The following MYLK variants were observed in gnomAD, a reference collection of about 807,000 sequenced individuals.
The protein encoded by MYLK is myosin light chain kinase, smooth muscle.
Under a neutral mutation model 203.4 loss-of-function variants are expected in MYLK, and 106 were observed. The observed-to-expected ratio is 0.52, with a 90% CI of 0.45 to 0.61. MYLK has a LOEUF of 0.61. MYLK is among the 20% of genes least tolerant of loss of function. The pLI is 0.00. For missense variants in MYLK, 2,072 were observed against 2,442.3 expected (o/e 0.85, Z 3.20); for synonymous variants, 867 against 959.5 (o/e 0.90, Z 1.78).
At chr3:123,764,585 C>T (rs80152742) in intron 4 of MYLK, among the ~76,000 whole-genome samples, 111 of 152,264 alleles carry the variant, frequency 7.3e-4, no homozygotes, top group East Asian at 3.7e-3. Flanking sequence ...GACTTTCACT[C>T]GGCCCCTCTC....
rs2064183380 is a variant in MYLK, at chr3:123,778,966, T to C, written c.165+14711A>G. 2.0e-5 allele frequency among the ~76,000 whole-genome samples: 3 copies of C among 152,146 alleles called. No individual in the cohort carries two copies. In the South Asian group the frequency reaches 6.2e-4, roughly 31 times the overall value. The stretch of plus-strand genomic sequence containing the variant: ...CCAGAATTTCACTTCAAACCCCAAA[T>C]AGCTATGTCCTGGCAGCTAAAAATG... On this transcript the variant is annotated intron_variant, in intron 4 of 33. Transcript: ENST00000360304.
intron 4 of MYLK, among the ~76,000 whole-genome samples, chr3:123,786,717 T>C (rs1173514664): frequency 6.6e-6 from 1 of 152,200 alleles, no homozygotes; most frequent in East Asian, 1.9e-4. Flanking sequence ...CTACAATGTG[T>C]TTATTTCACA....
At chr3:123,865,134 C>T (rs2032240018) in intron 2 of MYLK, among the ~76,000 whole-genome samples, 1 of 152,182 alleles carries the variant, frequency 6.6e-6, no homozygotes, top group Admixed American at 6.5e-5. Flanking sequence ...TTCACAGCTC[C>T]TATTACATGT....
chr3:123,634,956 G>A (rs547812282), intron 29 of MYLK, among the ~76,000 whole-genome samples: 22 of 152,210 alleles, frequency 1.4e-4, no homozygotes, highest in Non-Finnish European at 2.2e-4. Flanking sequence ...TTCAGGATCC[G>A]GGGTAAGAGT....
chr3:123,756,091 C>A (rs2063350349), intron 4 of MYLK, among the ~76,000 whole-genome samples: 2 of 152,214 alleles, frequency 1.3e-5, no homozygotes, highest in African/African-American at 4.8e-5. Context: ...TTGCCATGAT[C>A]TCACATGGCA....
intron 4 of MYLK, among the ~76,000 whole-genome samples, chr3:123,777,559 G>A (rs1458379781): frequency 1.3e-5 from 2 of 152,206 alleles, no homozygotes; most frequent in African/African-American, 4.8e-5. Context: ...GAAACTTTGG[G>A]GAGGTTCAGG....
chr3:123,841,358 T>A (rs931273161), intron 2 of MYLK, among the ~76,000 whole-genome samples: 3 of 152,176 alleles, frequency 2.0e-5, no homozygotes, highest in Non-Finnish European at 4.4e-5. Flanking sequence ...ATGAGATTAA[T>A]CTATATTTTA....
At chr3:123,786,303 CAA>C (rs906697308) in intron 4 of MYLK, among the ~76,000 whole-genome samples, 1 of 120,714 alleles carries the variant, frequency 8.3e-6, no homozygotes. Context: ...GACTCCATCT[CAA>C]AAAAAAAAAA....
chr3:123,781,907 C>T (rs1210551414), intron 4 of MYLK, among the ~76,000 whole-genome samples: 2 of 152,116 alleles, frequency 1.3e-5, no homozygotes, highest in East Asian at 1.9e-4. Context: ...ATTAAGGAGA[C>T]AAGAGATTAA....
rs2062581349 is a variant in MYLK at position 123,733,893 on chromosome 3, C to G, written c.1103G>C (p.Gly368Ala). 19 of 1,614,024 alleles carry G rather than the reference C, an allele frequency of 1.2e-5. No homozygotes were observed. Among genetic ancestry groups the G allele is most frequent in the Non-Finnish European group, 1.4e-5 (17 of 1,180,054 alleles). ...AGGAGCTGGCCTCTTCCTCTCTTCTCCAGAAGGTGATAGGACCCCCAGGCC... is the reference window on the plus strand; with the variant it reads ...AGGAGCTGGCCTCTTCCTCTCTTCTGCAGAAGGTGATAGGACCCCCAGGCC... ...APGLGVLSPS[G>A]EERKRPAPPR... The change falls in exon 10 of 34, where the codon GGA becomes GCA. Residue 368 changes from glycine to alanine, a missense_variant. Physicochemically the swap from Gly to Ala is moderately conservative, Grantham distance 60. Around this residue, in one of 3 missense-constraint regions of MYLK, gnomAD observed 683 missense variants for 643.8 expected, o/e 1.06. Transcript: ENST00000360304.
intron 3 of MYLK, among the ~76,000 whole-genome samples, chr3:123,809,292 A>G (rs1480645945): frequency 2.6e-5 from 4 of 152,198 alleles, no homozygotes; most frequent in African/African-American, 9.7e-5. Flanking sequence ...TGGGAGGCCA[A>G]GGTGGGCAGA....
At position 123,620,314 on chromosome 3, in the gene MYLK, G is replaced by A. The variant is rs1478020770; in HGVS notation, c.5261C>T (p.Ala1754Val). The A allele has an allele frequency of 2.5e-6, 4 of 1,614,004 alleles. No individual in the cohort carries two copies. In the Middle Eastern group the frequency reaches 4.9e-4, roughly 199 times the overall value. ...KWQKTGNAVR[A>V]IGRLSSMAMI... ...TGCCATAGAGGACAGTCTTCCAATG[G>A]CTCTCACAGCATTGCCCGTTTTCTG... is the stretch of plus-strand genomic sequence containing the variant. The change falls in exon 32 of 34, where the codon GCC (alanine) becomes GTC (valine). Residue 1754 changes from alanine (A) to valine (V), a missense_variant. By Grantham distance (64) the Ala-to-Val change is moderately conservative. Around this residue, in one of 3 missense-constraint regions of MYLK, gnomAD observed 524 missense variants for 782.4 expected, o/e 0.67. Transcript: ENST00000360304.
intron 3 of MYLK, among the ~76,000 whole-genome samples, chr3:123,829,512 A>T (rs1041773399): frequency 2.0e-5 from 3 of 152,200 alleles, no homozygotes; most frequent in Non-Finnish European, 2.9e-5. Flanking sequence ...TAAGAAGAAG[A>T]AGTTCTACTG....
At chr3:123,830,022 G>A (rs1465451730) in intron 3 of MYLK, among the ~76,000 whole-genome samples, 9 of 152,236 alleles carry the variant, frequency 5.9e-5, no homozygotes, top group East Asian at 3.9e-4. Context: ...AAATGTTCCC[G>A]TCACAGCATA....
intron 12 of MYLK, among the ~76,000 whole-genome samples, chr3:123,725,293 G>C (rs2062239932): frequency 6.6e-6 from 1 of 152,152 alleles, no homozygotes; most frequent in South Asian, 2.1e-4. Flanking sequence ...TTAATGGACA[G>C]TTCTCAGTCT....
intron 2 of MYLK, among the ~76,000 whole-genome samples, chr3:123,857,555 C>T (rs188422316): frequency 0.039 from 5,902 of 151,050 alleles, 165 homozygotes; most frequent in Non-Finnish European, 0.063. Context: ...GAACAAAAAA[C>T]CAAACACCGC....
chr3:123,655,299 A>T (rs1174720355), intron 24 of MYLK, among the ~76,000 whole-genome samples: 2 of 151,368 alleles, frequency 1.3e-5, no homozygotes, highest in Non-Finnish European at 2.9e-5. Context: ...TTTCTTTGAG[A>T]CTCCAGCCTC....
intron 8 of MYLK, 110 bp downstream of exon 8, chr3:123,737,268 G>A: frequency 7.4e-7 from 1 of 1,357,480 alleles, no homozygotes; most frequent in Non-Finnish European, 1.0e-6. Context: ...CTGGGTGTGT[G>A]AGTGGGCCAG....
chr3:123,718,029 T>A (rs2061961519), intron 13 of MYLK, among the ~76,000 whole-genome samples: 1 of 152,016 alleles, frequency 6.6e-6, no homozygotes, highest in Admixed American at 6.6e-5. Context: ...TCCCGGCTAA[T>A]TTTTGTGTTT....
Sources: allele counts gnomAD v4.1 joint callset (sites outside exome capture counted in the v4.1 genomes callset), GRCh38; gene constraint gnomAD v4.1.1; regional missense constraint gnomAD v4.1.1; transcripts MANE v1.5; gene names NCBI Gene and HGNC (gene_info 2026-07-23, HGNC 2026-07-21).